RGS5: variants seen among roughly 807,000 people sequenced by gnomAD.
RGS5 encodes regulator of G protein signaling 5.
In RGS5, 20 loss-of-function variants were observed where a neutral mutation model predicts 18.9. The ratio of observed to expected loss-of-function variants is 1.06; its 90% CI spans 0.74 to 1.54. The LOEUF is 1.54. Ranked by LOEUF, RGS5 falls within the 40% of genes most tolerant of loss-of-function variation. RGS5 has a pLI of 0.00. For synonymous variants in RGS5, 57 were observed against 76.2 expected (o/e 0.75, Z 1.31); for missense variants, 201 against 211.8 (o/e 0.95, Z 0.32).
intron 2 of RGS5, among the ~76,000 whole-genome samples, chr1:163,274,239 C>G (rs1284446267): frequency 1.3e-5 from 2 of 151,410 alleles, no homozygotes; most frequent in Non-Finnish European, 3.0e-5. Context: ...GGGCTGATTA[C>G]CAGAGAGACA....
chr1:163,320,154 T>C (rs1650147514), intron 1 of RGS5, among the ~76,000 whole-genome samples: 1 of 152,208 alleles, frequency 6.6e-6, no homozygotes, highest in Non-Finnish European at 1.5e-5. Context: ...ATTCTAATCT[T>C]GGCTTTCACA....
intron 1 of RGS5, among the ~76,000 whole-genome samples, chr1:163,308,267 A>G (rs1231986121): frequency 1.2e-4 from 19 of 152,202 alleles, no homozygotes. Context: ...CCATTCTAAA[A>G]TAGAATGAAA....
chr1:163,272,558 A>G (rs1648749124), intron 2 of RGS5, among the ~76,000 whole-genome samples: 1 of 152,090 alleles, frequency 6.6e-6, no homozygotes, highest in Non-Finnish European at 1.5e-5. Flanking sequence ...ATTTAGCTCT[A>G]TGACTCATTT....
intron 2 of RGS5, among the ~76,000 whole-genome samples, chr1:163,251,675 G>A (rs1648111223): frequency 6.6e-6 from 1 of 152,080 alleles, no homozygotes; most frequent in Non-Finnish European, 1.5e-5. Flanking sequence ...GTAGTTATAC[G>A]GAGCTGTGTC....
rs142692106 is a variant in RGS5 at position 163,189,760 on chromosome 1, G to A, written c.44+13032C>T. Among the ~76,000 whole-genome samples, 918 of 152,250 alleles carry A rather than the reference G, an allele frequency of 6.0e-3. 11 individuals carry two copies. Among genetic ancestry groups the A allele is most frequent in the African/African-American group, 0.021 (861 of 41,552 alleles). ...GGTCTCTGGGCTTGACCCCCTTGTG[G>A]GAACCCAAAGCCTTTTGCTATGAGT... On this transcript the variant is annotated intron_variant, in intron 1 of 4. Coordinates refer to ENST00000313961, the MANE Select transcript of RGS5 (RefSeq NM_003617.4).
rs548864730 is a variant in RGS5, at chr1:163,150,977, T to G, written c.384+1573A>C. On this transcript the variant is annotated intron_variant, in intron 4 of 4. Coordinates refer to ENST00000313961, the MANE Select transcript of RGS5 (RefSeq NM_003617.4). Reference sequence around the variant, plus strand: ...ACAAGGCTTGCCCAGATCACCTCCGTGCTTGACTCCAAACCTTGATGAAAC... The same window carrying G: ...ACAAGGCTTGCCCAGATCACCTCCGGGCTTGACTCCAAACCTTGATGAAAC... Among the ~76,000 whole-genome samples, 124 of 152,296 alleles carry G rather than the reference T, an allele frequency of 8.1e-4. 1 individual carries two copies. The highest frequency in any genetic ancestry group is 1.6e-3 in the Admixed American group (25 of 15,286).
At position 163,145,211 on chromosome 1, in the gene RGS5, G is replaced by A. The variant is rs1185374209; in HGVS notation, c.*2131C>T. On this transcript the variant is annotated 3_prime_UTR_variant, in exon 5 of 5. Transcript: ENST00000313961. ...TCTTCATAACATCAACCCTCTAGGTGAGATCTGTAATAGCTAGTTAATTAT... is the reference window on the plus strand; with the variant it reads ...TCTTCATAACATCAACCCTCTAGGTAAGATCTGTAATAGCTAGTTAATTAT... The A allele has an allele frequency of 6.6e-6, 1 of 152,132 alleles. No homozygotes were observed. Among genetic ancestry groups the A allele is most frequent in the Non-Finnish European group, 1.5e-5 (1 of 68,018 alleles). The allele number at this position is 152,132 out of a possible 1,614,324, so 9.4% of individuals were successfully genotyped here.
intron 2 of RGS5, among the ~76,000 whole-genome samples, chr1:163,257,899 G>A (rs948398465): frequency 2.6e-5 from 4 of 151,956 alleles, no homozygotes; most frequent in South Asian, 2.1e-4. Flanking sequence ...AGATTTTGTC[G>A]TTTCCTCTTT....
intron 1 of RGS5, among the ~76,000 whole-genome samples, chr1:163,183,793 T>C (rs79604839): frequency 0.015 from 2,321 of 152,266 alleles, 47 homozygotes; most frequent in African/African-American, 0.053. Context: ...GCTGGGACCT[T>C]GCATGCCAGA....
intron 2 of RGS5, among the ~76,000 whole-genome samples, chr1:163,277,455 T>C (rs573410128): frequency 6.6e-6 from 1 of 152,312 alleles, no homozygotes; most frequent in East Asian, 1.9e-4. Context: ...ACACTATTAA[T>C]GACAACTAAA....
intron 1 of RGS5, among the ~76,000 whole-genome samples, chr1:163,315,054 C>T (rs192679681): frequency 2.6e-5 from 4 of 152,208 alleles, no homozygotes; most frequent in East Asian, 1.9e-4. Context: ...AATCACTGCT[C>T]GGGTGACAGA....
intron 2 of RGS5, among the ~76,000 whole-genome samples, chr1:163,251,729 G>A (rs915173633): frequency 1.1e-4 from 16 of 152,156 alleles, no homozygotes; most frequent in South Asian, 6.2e-4. Context: ...TAATTTTGTC[G>A]CTTTGAGAAT....
At chr1:163,234,126 G>C (rs1647556828) in intron 2 of RGS5, among the ~76,000 whole-genome samples, 1 of 152,192 alleles carries the variant, frequency 6.6e-6, no homozygotes, top group East Asian at 1.9e-4. Context: ...ATGCTGAATA[G>C]AAGGGATAAG....
rs1249486288 is a variant in RGS5, at chr1:163,145,216, C to T, written c.*2126G>A. On this transcript the variant is annotated 3_prime_UTR_variant, in exon 5 of 5. Coordinates refer to ENST00000313961, the MANE Select transcript of RGS5 (RefSeq NM_003617.4). Reference sequence around the variant, plus strand: ...ATAACATCAACCCTCTAGGTGAGATCTGTAATAGCTAGTTAATTATCTGGG... The same window carrying T: ...ATAACATCAACCCTCTAGGTGAGATTTGTAATAGCTAGTTAATTATCTGGG... 1 of 152,074 alleles carries T rather than the reference C, an allele frequency of 6.6e-6. No individual in the cohort carries two copies. The highest frequency in any genetic ancestry group is 6.6e-5 in the Admixed American group (1 of 15,256). The allele number at this position is 152,074 out of a possible 1,614,324, so 9.4% of individuals were successfully genotyped here. A position where few individuals can be genotyped will look rare whatever the true frequency, so the allele number is the denominator to read the frequency against.
intron 2 of RGS5, among the ~76,000 whole-genome samples, chr1:163,300,079 A>T (rs895378826): frequency 1.3e-5 from 2 of 152,218 alleles, no homozygotes; most frequent in Admixed American, 6.5e-5. Context: ...TTCCCGAGGT[A>T]AACAGTGAAA....
At chr1:163,285,214 T>G (rs559325630) in intron 2 of RGS5, among the ~76,000 whole-genome samples, 2 of 152,310 alleles carry the variant, frequency 1.3e-5, no homozygotes, top group East Asian at 3.9e-4. Context: ...TAAATTATTC[T>G]GTATTAACTT....
intron 2 of RGS5, chr1:163,237,609 C>A (rs12730335): frequency 0.2 from 29,735 of 152,018 alleles, 3,319 homozygotes; most frequent in Non-Finnish European, 0.25. Context: ...CACTTGAGCC[C>A]AGGAGGTGGA....
At chr1:163,238,703 C>T (rs927615185) in intron 2 of RGS5, 1 of 275,744 alleles carries the variant, frequency 3.6e-6, no homozygotes, top group Non-Finnish European at 7.1e-6. Context: ...CATTTGATTC[C>T]CCTTATCCAT....
At chr1:163,285,998 GCA>G (rs10683583) in intron 2 of RGS5, among the ~76,000 whole-genome samples, 9 of 135,010 alleles carry the variant, frequency 6.7e-5, no homozygotes, top group Non-Finnish European at 9.7e-5. Context: ...TTTAATTTAT[GCA>G]CACACACACA....
Sources: gnomAD v4.1 joint callset for allele counts (sites outside exome capture counted in the v4.1 genomes callset) on GRCh38, gnomAD v4.1.1 for gene constraint, MANE v1.5 for transcripts, NCBI Gene and HGNC (gene_info 2026-07-23, HGNC 2026-07-21) for gene names.